The following ZNF662 variants were observed in gnomAD, a reference collection of about 807,000 sequenced individuals.
ZNF662 encodes zinc finger protein 662.
Under a neutral mutation model 12.4 loss-of-function variants are expected in ZNF662, and 14 were observed. The ratio of observed to expected loss-of-function variants is 1.13; its 90% confidence interval spans 0.75 to 1.77. ZNF662 has a LOEUF of 1.77. Among genes scored for constraint, ZNF662 ranks in the 40% most tolerant of loss-of-function variants. The pLI is 0.00. For synonymous variants in ZNF662, 184 were observed against 176.4 expected (o/e 1.04, Z -0.34); for missense variants, 550 against 515.6 (o/e 1.07, Z -0.65).
At chr3:42,908,450 C>T (rs1037534906) in intron 2 of ZNF662, 3 of 1,242,724 alleles carry the variant, frequency 2.4e-6, no homozygotes, top group South Asian at 2.6e-5. Context: ...CCTCCCCTCT[C>T]GGTTTGCAAG....
intron 3 of ZNF662, among the ~76,000 whole-genome samples, chr3:42,912,693 A>ATATT (rs377231571): frequency 0.24 from 12,633 of 52,612 alleles, 2,253 homozygotes; most frequent in Middle Eastern, 0.48. Context: ...ATATATATAT[A>ATATT]TTTTATATAT....
chr3:42,910,753 G>A (rs944294111), intron 3 of ZNF662, among the ~76,000 whole-genome samples: 2 of 152,146 alleles, frequency 1.3e-5, no homozygotes, highest in African/African-American at 4.8e-5. Context: ...TCTTCCCATA[G>A]GGCTCTTATG....
At chr3:42,907,982 C>T (rs751214902) in intron 1 of ZNF662, 40 bp from the exon 2 acceptor site, 2 of 1,611,526 alleles carry the variant, frequency 1.2e-6, no homozygotes, top group East Asian at 2.2e-5. Context: ...TGGCCTGGTC[C>T]TGGGGTTGTC....
intron 3 of ZNF662, among the ~76,000 whole-genome samples, chr3:42,912,707 A>AATATATATATATTTTTTTTATATAT (rs2088839289): frequency 1.6e-5 from 1 of 61,542 alleles, no homozygotes; most frequent in African/African-American, 7.5e-5. Context: ...TATATATATA[A>AATATATATATATTTTTTTTATATAT]ATATATATAT....
At position 42,906,398 on chromosome 3, in the gene ZNF662, T is replaced by G. The variant is rs759491963; in HGVS notation, c.-94+230T>G. ...AGCGGGACACGCCTCGGCCTTGTCC[T>G]CGAGCTGCTCCCGGGACAGCCCGCG... On this transcript the variant is annotated intron_variant, in intron 1 of 4. Transcript: ENST00000440367. This position sits in a 1 kb window ranked among gnomAD's most constrained non-coding sequence, Gnocchi z 4.4. 2.2e-5 allele frequency: 34 copies of G among 1,517,508 alleles called. 1 individual carries two copies. In the South Asian group the frequency reaches 3.0e-4, roughly 14 times the overall value. The allele number at this position is 1,517,508 out of a possible 1,614,324, so 94.0% of individuals were successfully genotyped here.
In ZNF662 at chr3:42,915,273, T is replaced by A; in HGVS notation, c.1200T>A (p.Asn400Lys). 1 of 1,613,420 alleles carries A rather than the reference T, an allele frequency of 6.2e-7. No homozygotes were observed. The change falls in exon 5 of 5, where the codon AAT becomes AAA. Residue 400 changes from asparagine (N) to lysine (K), a missense_variant. Transcript: ENST00000440367. ...CNDCGKAFSQ[N>K]SVLIKHQRRH... is the part of the protein sequence containing the mutation. The stretch of plus-strand genomic sequence containing the variant: ...ACTGTGGGAAGGCCTTCAGTCAGAA[T>A]TCTGTCTTAATTAAGCACCAGAGGC...
intron 1 of ZNF662, 186 bp from the exon 2 acceptor site, chr3:42,907,836 T>G (rs1024761404): frequency 1.4e-5 from 14 of 985,266 alleles, no homozygotes; most frequent in Non-Finnish European, 1.7e-5. Flanking sequence ...ATGAGAAAAT[T>G]GATGGCTGAT....
At chr3:42,913,082 A>G (rs1432586780) in intron 3 of ZNF662, 119 bp from the exon 4 acceptor site, 3 of 696,640 alleles carry the variant, frequency 4.3e-6, no homozygotes, top group African/African-American at 3.5e-5. Flanking sequence ...CTGCTTATCT[A>G]TGTTACCAAT....
chr3:42,910,261 A>G (rs899954951), intron 3 of ZNF662, among the ~76,000 whole-genome samples: 1 of 152,212 alleles, frequency 6.6e-6, no homozygotes, highest in African/African-American at 2.4e-5. Context: ...CTGAGGCAGG[A>G]AAATCAGGCA....
In ZNF662 at chr3:42,906,262, C is replaced by A; in HGVS notation, c.-94+94C>A. ...CAGGGCGCAGGGTAGCCGTGTCAGG[C>A]CTGCCCAGGTGCAGAGCGCTCTTCC... is the stretch of plus-strand genomic sequence containing the variant. On this transcript the variant is annotated intron_variant, in intron 1 of 4. Coordinates refer to ENST00000440367, the MANE Select transcript of ZNF662 (RefSeq NM_207404.4). This position sits in a 1 kb window ranked among gnomAD's most constrained non-coding sequence, Gnocchi z 4.4. 3 of 1,249,234 alleles carry A rather than the reference C, an allele frequency of 2.4e-6. No individual in the cohort carries two copies. Among genetic ancestry groups the A allele is most frequent in the South Asian group, 1.4e-5 (1 of 69,364 alleles). 77.4% of individuals were successfully genotyped at this position (1,249,234 alleles called of 1,614,324 possible). A position where few individuals can be genotyped will look rare whatever the true frequency, so the allele number is the denominator to read the frequency against.
chr3:42,908,236 C>T (rs2088711280), intron 2 of ZNF662, 88 bp downstream of exon 2: 3 of 1,511,590 alleles, frequency 2.0e-6, no homozygotes, highest in South Asian at 2.8e-5. Context: ...TGTTGATAAC[C>T]CTCAGCTCAA....
chr3:42,909,641 C>T (rs1045393198), intron 3 of ZNF662, among the ~76,000 whole-genome samples: 6 of 149,226 alleles, frequency 4.0e-5, no homozygotes, highest in Non-Finnish European at 3.0e-5. Flanking sequence ...ATGGGGCGGC[C>T]GGGCAGAGGT....
At chr3:42,914,202 T>C in intron 4 of ZNF662, 125 bp from the exon 5 acceptor site, 7 of 809,880 alleles carry the variant, frequency 8.6e-6, no homozygotes, top group Non-Finnish European at 1.3e-5. Flanking sequence ...CATTTTCAGC[T>C]GGGACAGGGC....
intron 3 of ZNF662, among the ~76,000 whole-genome samples, chr3:42,909,211 C>T (rs528141171): frequency 1.3e-4 from 20 of 152,216 alleles, no homozygotes; most frequent in East Asian, 3.9e-4. Context: ...AGGGCCCTGC[C>T]GCCTTCCGTA....
At position 42,914,531 on chromosome 3, in the gene ZNF662, ATAT is replaced by A; in HGVS notation, c.462_464del (p.Ile155del). On this transcript the variant is annotated inframe_deletion, in exon 5 of 5. Transcript: ENST00000440367. ...GGACGTATGGAAAGTTCTACAAATG[ATAT>A]TATAGAAGTGATTGTCAAGGATGAG... 2 of 1,613,976 alleles carry A rather than the reference ATAT, an allele frequency of 1.2e-6. No individual in the cohort carries two copies. The highest frequency in any genetic ancestry group is 1.7e-6 in the Non-Finnish European group (2 of 1,179,872).
At chr3:42,912,691 A>ATTTTT (rs1350631884) in intron 3 of ZNF662, among the ~76,000 whole-genome samples, 6 of 20,390 alleles carry the variant, frequency 2.9e-4, no homozygotes, top group Admixed American at 9.0e-4. Flanking sequence ...AAATATATAT[A>ATTTTT]TATTTTATAT....
In ZNF662 at chr3:42,907,865, TAGG is replaced by T. The variant is rs2088704929; in HGVS notation, c.-93-153_-93-151del. 1.1e-5 allele frequency: 11 copies of T among 985,300 alleles called. No homozygotes were observed. In the South Asian group the frequency reaches 5.2e-4, roughly 46 times the overall value. The allele number at this position is 985,300 out of a possible 1,614,324, so 61.0% of individuals were successfully genotyped here. Reference sequence around the variant, plus strand: ...GGCTGATGCCTTGTCTCTTTGTACATAGGAGGCAAAAATCTTCTGCTGATAGAG... The same window carrying T: ...GGCTGATGCCTTGTCTCTTTGTACATAGGCAAAAATCTTCTGCTGATAGAG... On this transcript the variant is annotated intron_variant, in intron 1 of 4. Coordinates refer to ENST00000440367, the MANE Select transcript of ZNF662 (RefSeq NM_207404.4).
intron 3 of ZNF662, among the ~76,000 whole-genome samples, chr3:42,912,353 AATT>A (rs1219070494): frequency 9.5e-6 from 1 of 105,408 alleles, no homozygotes; most frequent in East Asian, 2.4e-4. Flanking sequence ...TATCATATAT[AATT>A]ATATATTATA....
chr3:42,908,605 C>T (rs1575408554), intron 2 of ZNF662, 188 bp from the exon 3 acceptor site: 2 of 1,440,164 alleles, frequency 1.4e-6, no homozygotes, highest in East Asian at 2.4e-5. Context: ...AGTCGTCTGT[C>T]AACTTCCTGA....
Sources: allele counts gnomAD v4.1 joint callset (sites outside exome capture counted in the v4.1 genomes callset), GRCh38; gene constraint gnomAD v4.1.1; non-coding constraint Gnocchi (gnomAD v3.1); transcripts MANE v1.5; gene names NCBI Gene and HGNC (gene_info 2026-07-23, HGNC 2026-07-21).